Variants in KDM2A observed in about 807,000 individuals in gnomAD.
The protein encoded by KDM2A is lysine-specific demethylase 2A.
In KDM2A, 3 loss-of-function variants were observed where a neutral mutation model predicts 137.3. That is an observed-to-expected ratio of 0.02 (90% CI 0.01 to 0.06). The LOEUF (loss-of-function observed/expected upper bound fraction) is 0.06, where lower values mean the gene tolerates loss of function less well. KDM2A is among the 10% of genes least tolerant of loss of function. KDM2A has a pLI of 1.00. For synonymous variants in KDM2A, 512 were observed against 541.5 expected (o/e 0.95, Z 0.76); for missense variants, 738 against 1,510.6 (o/e 0.49, Z 8.48).
At chr11:67,157,829 G>A (rs1311562856) in intron 2 of KDM2A, among the ~76,000 whole-genome samples, 1 of 152,038 alleles carries the variant, frequency 6.6e-6, no homozygotes, top group Admixed American at 6.6e-5. Flanking sequence ...TTATAAGCTG[G>A]GTGTGGGTAC....
chr11:67,211,419 G>T (rs1218691367), intron 6 of KDM2A, among the ~76,000 whole-genome samples: 1 of 151,690 alleles, frequency 6.6e-6, no homozygotes, highest in Non-Finnish European at 1.5e-5. Flanking sequence ...TTCAAAACCA[G>T]CCTGGCCAAC....
intron 2 of KDM2A, among the ~76,000 whole-genome samples, chr11:67,151,682 G>A (rs1199677840): frequency 6.6e-6 from 1 of 152,114 alleles, no homozygotes; most frequent in African/African-American, 2.4e-5. Flanking sequence ...ATGAAAAAAG[G>A]ATTAAAATAG....
At chr11:67,151,655 A>G (rs1439626421) in intron 2 of KDM2A, among the ~76,000 whole-genome samples, 3 of 152,164 alleles carry the variant, frequency 2.0e-5, no homozygotes. Flanking sequence ...CCCGGCCTCA[A>G]ATCCTGAAGA....
intron 2 of KDM2A, among the ~76,000 whole-genome samples, chr11:67,178,896 C>T (rs988158234): frequency 6.6e-6 from 1 of 152,146 alleles, no homozygotes; most frequent in African/African-American, 2.4e-5. Context: ...CGTATGTTTT[C>T]AGTTCTTTGG....
rs544297144 is a variant in KDM2A, at chr11:67,195,104, T to TCAGAACC, written c.308-12403_308-12397dup. Among the ~76,000 whole-genome samples, 10 of 152,266 alleles carry TCAGAACC rather than the reference T, an allele frequency of 6.6e-5. No individual in the cohort carries two copies. In the East Asian group the frequency reaches 1.7e-3, roughly 26 times the overall value. On this transcript the variant is annotated intron_variant, in intron 5 of 20. Coordinates refer to ENST00000529006, the MANE Select transcript of KDM2A (RefSeq NM_012308.3). ...AAAGACATTTGCAGCTCATTTCTTGTCAGAACCCATTGAGAATAGTGGTAT... is the reference window on the plus strand; with the variant it reads ...AAAGACATTTGCAGCTCATTTCTTGTCAGAACCCAGAACCCATTGAGAATAGTGGTAT...
intron 12 of KDM2A, among the ~76,000 whole-genome samples, chr11:67,232,625 T>G (rs924635913): frequency 6.6e-6 from 1 of 151,794 alleles, no homozygotes; most frequent in Non-Finnish European, 1.5e-5. Context: ...CCTAATGCTA[T>G]CCCTCCTCCA....
rs1237813567 is a variant in KDM2A, at chr11:67,207,687, C to T, written c.485C>T (p.Thr162Met). The T allele has an allele frequency of 2.5e-6, 4 of 1,597,064 alleles. No individual in the cohort carries two copies. The highest frequency in any genetic ancestry group is 1.7e-5 in the Admixed American group (1 of 57,876). ...RLENMVQRPS[T>M]VDFIDWVDNM... ...GAGAATATGGTGCAGAGGCCCTCCA[C>T]GGTTAGTGTAATCATTTTCTTCATA... Residue 162 changes from threonine to methionine, a missense_variant and splice_region_variant, in exon 6 of 21, where the codon ACG (threonine) becomes ATG (methionine). Coordinates refer to ENST00000529006, the MANE Select transcript of KDM2A (RefSeq NM_012308.3).
At chr11:67,253,250 G>C (rs567586549) in intron 18 of KDM2A, among the ~76,000 whole-genome samples, 1 of 152,236 alleles carries the variant, frequency 6.6e-6, no homozygotes, top group South Asian at 2.1e-4. Flanking sequence ...TGCTCTGGTG[G>C]GAACTAAGCA....
At chr11:67,239,992 G>GC (rs879616920) in intron 12 of KDM2A, 145 of 1,214,276 alleles carry the variant, frequency 1.2e-4, no homozygotes, top group Non-Finnish European at 1.4e-4. Flanking sequence ...CAGAACGGCT[G>GC]GGCCCTCTGC....
intron 16 of KDM2A, 42 bp downstream of exon 16, chr11:67,248,412 G>A: frequency 7.2e-7 from 1 of 1,396,098 alleles, no homozygotes; most frequent in Non-Finnish European, 1.0e-6. Context: ...CAGAAAGGAG[G>A]CATCAAATGT....
intron 11 of KDM2A, among the ~76,000 whole-genome samples, chr11:67,230,560 A>T (rs1442530827): frequency 6.6e-6 from 1 of 151,856 alleles, no homozygotes. Context: ...CAGGAGGTTG[A>T]GGCTGCAGTG....
intron 2 of KDM2A, among the ~76,000 whole-genome samples, chr11:67,135,796 T>C (rs928940328): frequency 3.9e-5 from 6 of 152,362 alleles, no homozygotes; most frequent in Admixed American, 3.3e-4. Context: ...GTGCTACATG[T>C]TGGGTAATCC....
intron 12 of KDM2A, among the ~76,000 whole-genome samples, chr11:67,235,152 A>C (rs545300384): frequency 3.0e-4 from 46 of 151,670 alleles, no homozygotes; most frequent in African/African-American, 1.1e-3. Context: ...CTCAAAAAAA[A>C]AAAAAAAAGA....
intron 11 of KDM2A, among the ~76,000 whole-genome samples, 159 bp downstream of exon 11, chr11:67,228,322 C>A (rs1339806787): frequency 6.6e-6 from 1 of 152,080 alleles, no homozygotes; most frequent in East Asian, 1.9e-4. Flanking sequence ...AGTTACCTAC[C>A]CAGATGTGAG....
chr11:67,248,727 T>A, intron 16 of KDM2A: 1 of 204,828 alleles, frequency 4.9e-6, no homozygotes, highest in Non-Finnish European at 1.0e-5. Context: ...GGCAGTGGCC[T>A]GAGGCAGCCA....
At chr11:67,158,603 G>A (rs1439363180) in intron 2 of KDM2A, among the ~76,000 whole-genome samples, 1 of 152,126 alleles carries the variant, frequency 6.6e-6, no homozygotes, top group African/African-American at 2.4e-5. Flanking sequence ...TTGTGTAGTG[G>A]TATCTCATAG....
intron 2 of KDM2A, among the ~76,000 whole-genome samples, chr11:67,178,696 A>G (rs993134057): frequency 5.3e-5 from 8 of 152,036 alleles, no homozygotes; most frequent in African/African-American, 1.9e-4. Flanking sequence ...TTCAGAGTTT[A>G]TCTATGTCAT....
intron 11 of KDM2A, 107 bp from the exon 12 acceptor site, chr11:67,231,459 A>T (rs1858717987): frequency 1.0e-6 from 1 of 1,002,154 alleles, no homozygotes; most frequent in African/African-American, 1.6e-5. Flanking sequence ...TAAATGTGGT[A>T]ATTTTGTCAT....
Position 67,254,306 on chromosome 11 carries a change from C to T in KDM2A, c.3195C>T (p.Leu1065=), listed in dbSNP as rs971904366. The change falls in exon 20 of 21, where the codon CTC becomes CTT. Residue 1065 remains leucine (L), a synonymous_variant. Coordinates refer to ENST00000529006, the MANE Select transcript of KDM2A (RefSeq NM_012308.3). This position sits in a 1 kb window ranked among gnomAD's most constrained non-coding sequence, Gnocchi z 4.7. ...TLRLIIRHMP[L]LSRLDLSHCS... is the part of the protein sequence containing the mutation. ...GCCTCATAATTCGCCACATGCCCCT[C>T]CTGTCTCGACTCGACCTCAGTCACT... The T allele has an allele frequency of 3.2e-5, 52 of 1,613,954 alleles. No homozygotes were observed. The highest frequency in any genetic ancestry group is 4.4e-5 in the Non-Finnish European group (52 of 1,179,914).
Sources: gnomAD v4.1 joint callset for allele counts (sites outside exome capture counted in the v4.1 genomes callset) on GRCh38, gnomAD v4.1.1 for gene constraint, Gnocchi (gnomAD v3.1) non-coding constraint, MANE v1.5 for transcripts, NCBI Gene and HGNC (gene_info 2026-07-23, HGNC 2026-07-21) for gene names.